Variants in ATP9B observed in about 807,000 individuals in gnomAD.
ATP9B encodes the protein probable phospholipid-transporting ATPase IIB.
In ATP9B, 110 loss-of-function variants were observed where a neutral mutation model predicts 146.1. The observed-to-expected ratio is 0.75, with a 90% CI of 0.65 to 0.88. The LOEUF is 0.88. ATP9B is among the 40% of genes least tolerant of loss of function. The pLI is 0.00. For synonymous variants in ATP9B, 604 were observed against 569.7 expected (o/e 1.06, Z -0.86); for missense variants, 1,499 against 1,496.4 (o/e 1.00, Z -0.03).
At chr18:79,315,583 G>A (rs759315048) in intron 15 of ATP9B, among the ~76,000 whole-genome samples, 1 of 152,206 alleles carries the variant, frequency 6.6e-6, no homozygotes. Flanking sequence ...AGCTGCCTGT[G>A]TGAATTGCTA....
chr18:79,277,092 G>A lies in ATP9B; in HGVS notation c.1307G>A (p.Gly436Glu). ...TTGGACATGGGCAAAGCGGTGTATGGATGGATGATGATGAAAGATGAGAAC... is the reference window on the plus strand; with the variant it reads ...TTGGACATGGGCAAAGCGGTGTATGAATGGATGATGATGAAAGATGAGAAC... ...VNLDMGKAVY[G>E]WMMMKDENIP... Residue 436 changes from glycine (G) to glutamate (E), a missense_variant, in exon 13 of 30, where the codon GGA becomes GAA. Transcript: ENST00000426216. The A allele has an allele frequency of 3.7e-6, 6 of 1,614,206 alleles. No homozygotes were observed. The highest frequency in any genetic ancestry group is 2.5e-6 in the Non-Finnish European group (3 of 1,180,040).
At position 79,376,214 on chromosome 18, in the gene ATP9B, C is replaced by CACACAAAAA; in HGVS notation, c.3307+789_3307+790insCACAAAAAA. 8 of 885,008 alleles carry CACACAAAAA rather than the reference C, an allele frequency of 9.0e-6. No individual in the cohort carries two copies. The African/African-American group carries it at 1.3e-4, about 14-fold the overall frequency. 54.8% of individuals were successfully genotyped at this position (885,008 alleles called of 1,614,324 possible). ...ACACACACACACACACACACACACACAAAACAAAACAAAAAAATGGCTAGC... is the reference window on the plus strand; with the variant it reads ...ACACACACACACACACACACACACACACACAAAAAAAAACAAAACAAAAAAATGGCTAGC... On this transcript the variant is annotated intron_variant, in intron 29 of 29. Coordinates refer to ENST00000426216, the MANE Select transcript of ATP9B (RefSeq NM_198531.5).
intron 11 of ATP9B, among the ~76,000 whole-genome samples, chr18:79,226,534 G>A (rs922029665): frequency 5.3e-5 from 8 of 152,240 alleles, no homozygotes; most frequent in Non-Finnish European, 8.8e-5. Flanking sequence ...TCCCTGCTCA[G>A]TGAACACTGG....
At chr18:79,347,358 G>A (rs2096895434) in intron 23 of ATP9B, among the ~76,000 whole-genome samples, 1 of 152,242 alleles carries the variant, frequency 6.6e-6, no homozygotes, top group Non-Finnish European at 1.5e-5. Flanking sequence ...TGAAAAAACA[G>A]AATTGTCTTG....
rs1001147421 is a variant in ATP9B, at chr18:79,372,298, G to A, written c.3013-527G>A. On this transcript the variant is annotated intron_variant, in intron 26 of 29. Transcript: ENST00000426216. The stretch of plus-strand genomic sequence containing the variant: ...TTCAACTTCGCAGAGTGAAGGGCCT[G>A]GCGCAAGGACCCATTCCATGGGGTT... The A allele has an allele frequency of 1.8e-4, 35 of 198,290 alleles. No homozygotes were observed. In the South Asian group the frequency reaches 2.7e-3, roughly 15 times the overall value. The allele number at this position is 198,290 out of a possible 1,614,324, so 12.3% of individuals were successfully genotyped here.
intron 11 of ATP9B, among the ~76,000 whole-genome samples, chr18:79,228,903 G>A (rs1168255396): frequency 1.3e-5 from 2 of 152,090 alleles, no homozygotes; most frequent in Non-Finnish European, 2.9e-5. Context: ...GGGCACACCT[G>A]TGGTACAAAC....
chr18:79,110,436 G>A lies in ATP9B; in HGVS notation c.375G>A (p.Lys125=). The A allele has an allele frequency of 3.1e-6, 5 of 1,612,872 alleles. No homozygotes were observed. The highest frequency in any genetic ancestry group is 4.2e-6 in the Non-Finnish European group (5 of 1,179,154). Residue 125 remains lysine, a synonymous_variant, in exon 3 of 30, where the codon AAG becomes AAA. Transcript: ENST00000426216. ...ARTVWLGCPE[K]CEEKHPRNSI... ...CAGTATGGCTTGGATGTCCTGAAAA[G>A]TGTGAAGAAAAACATCCCAGGAATT...
At chr18:79,329,434 T>TTTTTTTTTAATG in intron 16 of ATP9B, 132 bp downstream of exon 16, 1 of 1,100,488 alleles carries the variant, frequency 9.1e-7, no homozygotes, top group South Asian at 2.4e-5. Flanking sequence ...TTGTTTGTTT[T>TTTTTTTTTAATG]TTTTTTTTAA....
chr18:79,334,749 C>T (rs1253841765), intron 17 of ATP9B, among the ~76,000 whole-genome samples: 3 of 152,094 alleles, frequency 2.0e-5, no homozygotes, highest in African/African-American at 7.2e-5. Context: ...GGAGACCCAC[C>T]GGCGCCCTCC....
intron 13 of ATP9B, 75 bp from the exon 14 acceptor site, chr18:79,303,529 C>G: frequency 1.7e-6 from 2 of 1,199,638 alleles, no homozygotes; most frequent in Non-Finnish European, 2.5e-6. Context: ...TGCAGCATGC[C>G]TGCATGGTAG....
At chr18:79,229,979 A>G in intron 11 of ATP9B, among the ~76,000 whole-genome samples, 1 of 123,154 alleles carries the variant, frequency 8.1e-6, no homozygotes, top group Admixed American at 7.5e-5. Context: ...TTAGTGCATT[A>G]AAAAAAAAAG....
chr18:79,375,954 G>A (rs540280664), intron 29 of ATP9B: 26 of 985,254 alleles, frequency 2.6e-5, no homozygotes, highest in African/African-American at 5.2e-5. Flanking sequence ...CTTTTCATGC[G>A]GAATTCAAGT....
At chr18:79,154,178 G>C (rs1319218709) in intron 6 of ATP9B, among the ~76,000 whole-genome samples, 1 of 150,890 alleles carries the variant, frequency 6.6e-6, no homozygotes, top group Non-Finnish European at 1.5e-5. Flanking sequence ...AGCCAGAATG[G>C]TCTCGATCTC....
chr18:79,092,007 T>C (rs1172227974), intron 1 of ATP9B, among the ~76,000 whole-genome samples: 1 of 152,260 alleles, frequency 6.6e-6, no homozygotes, highest in African/African-American at 2.4e-5. Context: ...TGTCCCTCTA[T>C]GCTAGGCAGT....
chr18:79,345,779 T>C lies in ATP9B; in HGVS notation c.2622T>C (p.Asp874=). 6.2e-7 allele frequency: 1 copy of C among 1,614,254 alleles called. No individual in the cohort carries two copies. Among genetic ancestry groups the C allele is most frequent in the Non-Finnish European group, 8.5e-7 (1 of 1,180,040 alleles). The part of the protein sequence containing the change: ...HTGRRTCAIG[D]GGNDVSMIQA... ...CTCACTTTTCTTGCTTCGCAGGTGA[T>C]GGAGGAAATGATGTCAGCATGATTC... The change falls in exon 23 of 30, where the codon GAT becomes GAC. Residue 874 remains aspartate, a synonymous_variant. Coordinates refer to ENST00000426216, the MANE Select transcript of ATP9B (RefSeq NM_198531.5).
chr18:79,204,774 TA>T (rs2095519300), intron 9 of ATP9B, among the ~76,000 whole-genome samples: 2 of 152,222 alleles, frequency 1.3e-5, no homozygotes, highest in African/African-American at 2.4e-5. Flanking sequence ...GCCTGCTCCT[TA>T]AGACCATTGA....
At chr18:79,196,650 G>A (rs774894051) in intron 9 of ATP9B, among the ~76,000 whole-genome samples, 1 of 152,032 alleles carries the variant, frequency 6.6e-6, no homozygotes, top group Non-Finnish European at 1.5e-5. Flanking sequence ...AAATAAATTT[G>A]GTTTTAAAAA....
chr18:79,174,171 G>A (rs1276304043), intron 7 of ATP9B: 2 of 429,964 alleles, frequency 4.7e-6, no homozygotes, highest in African/African-American at 2.1e-5. Context: ...TCCCTTAAAG[G>A]TTTTATTCAT....
intron 9 of ATP9B, among the ~76,000 whole-genome samples, chr18:79,198,292 C>T (rs1300503040): frequency 1.3e-5 from 2 of 152,088 alleles, no homozygotes; most frequent in Non-Finnish European, 2.9e-5. Flanking sequence ...TAAGAAAACA[C>T]ATTAAAAACA....
Sources: allele counts gnomAD v4.1 joint callset (sites outside exome capture counted in the v4.1 genomes callset), GRCh38; gene constraint gnomAD v4.1.1; transcripts MANE v1.5; gene names NCBI Gene and HGNC (gene_info 2026-07-23, HGNC 2026-07-21).